The following RIMS2 variants were observed in gnomAD, a reference collection of about 807,000 sequenced individuals.
RIMS2 encodes the protein regulating synaptic membrane exocytosis 2, also known as regulating synaptic membrane exocytosis protein 2.
Under a neutral mutation model 174.4 loss-of-function variants are expected in RIMS2, and 59 were observed. The observed-to-expected ratio is 0.34, with a 90% CI of 0.27 to 0.42. The LOEUF (loss-of-function observed/expected upper bound fraction) is 0.42. Among genes scored for constraint, RIMS2 ranks in the 10% least tolerant of loss-of-function variants. The pLI, the probability that RIMS2 is intolerant of heterozygous loss-of-function variation, is 1.00. For synonymous variants in RIMS2, 606 were observed against 572.5 expected (o/e 1.06, Z -0.84); for missense variants, 1,620 against 1,666.3 (o/e 0.97, Z 0.48).
At chr8:103,587,550 T>C (rs1284708022) in intron 1 of RIMS2, among the ~76,000 whole-genome samples, 1 of 151,944 alleles carries the variant, frequency 6.6e-6, no homozygotes. Flanking sequence ...AGCAATACTT[T>C]AGAAGGATCA....
chr8:104,047,950 T>C (rs2096721986), intron 19 of RIMS2, among the ~76,000 whole-genome samples: 1 of 152,174 alleles, frequency 6.6e-6, no homozygotes, highest in African/African-American at 2.4e-5. Context: ...GGCTGGTTGC[T>C]TAACACTTCT....
chr8:104,027,152 A>C (rs2096273588), intron 19 of RIMS2, among the ~76,000 whole-genome samples: 4 of 152,218 alleles, frequency 2.6e-5, no homozygotes, highest in Admixed American at 2.6e-4. Context: ...GCATAGGACC[A>C]TTTAGGGCAA....
intron 14 of RIMS2, among the ~76,000 whole-genome samples, chr8:103,946,400 G>A (rs1312177652): frequency 1.3e-5 from 2 of 152,110 alleles, no homozygotes; most frequent in African/African-American, 2.4e-5. Context: ...GCTGAAGCAG[G>A]ATAATCGCTT....
chr8:104,046,477 G>A (rs1041355939), intron 19 of RIMS2, among the ~76,000 whole-genome samples: 5 of 152,038 alleles, frequency 3.3e-5, no homozygotes, highest in Non-Finnish European at 5.9e-5. Flanking sequence ...TATTTTGAAT[G>A]CTCTGTGCTT....
chr8:103,545,805 CGAT>C (rs1252606435), intron 1 of RIMS2, among the ~76,000 whole-genome samples: 3 of 53,070 alleles, frequency 5.7e-5, no homozygotes, highest in Non-Finnish European at 1.4e-4. Flanking sequence ...GAAATAAGAT[CGAT>C]CCTTTTTTAA....
chr8:103,837,203 C>G (rs1198131861), intron 3 of RIMS2, among the ~76,000 whole-genome samples: 1 of 152,168 alleles, frequency 6.6e-6, no homozygotes, highest in East Asian at 1.9e-4. Flanking sequence ...TAGGGTCTCA[C>G]AAGGTTGAAA....
At chr8:103,932,559 TG>T (rs1347366630) in intron 12 of RIMS2, among the ~76,000 whole-genome samples, 1 of 152,218 alleles carries the variant, frequency 6.6e-6, no homozygotes. Flanking sequence ...GAGATACATG[TG>T]GAACTATAAG....
At chr8:104,028,161 T>C (rs2096298216) in intron 19 of RIMS2, among the ~76,000 whole-genome samples, 1 of 150,398 alleles carries the variant, frequency 6.6e-6, no homozygotes, top group African/African-American at 2.5e-5. Flanking sequence ...AGAGAACCTA[T>C]GTTGTCCAGG....
At chr8:104,001,585 C>T (rs1185687393) in intron 17 of RIMS2, among the ~76,000 whole-genome samples, 7 of 151,774 alleles carry the variant, frequency 4.6e-5, no homozygotes. Context: ...AAATGCTATG[C>T]TGAGTTTGCA....
intron 3 of RIMS2, among the ~76,000 whole-genome samples, chr8:103,854,175 T>G (rs2099014256): frequency 6.6e-6 from 1 of 152,152 alleles, no homozygotes; most frequent in Non-Finnish European, 1.5e-5. Context: ...GATTTGGCAC[T>G]CAGCCTGGAC....
intron 1 of RIMS2, among the ~76,000 whole-genome samples, chr8:103,632,437 T>C (rs2095952165): frequency 6.6e-6 from 1 of 152,250 alleles, no homozygotes; most frequent in African/African-American, 2.4e-5. Flanking sequence ...GATTGCTTTT[T>C]TGAGGCGGAG....
intron 1 of RIMS2, among the ~76,000 whole-genome samples, chr8:103,679,274 T>A (rs1425323491): frequency 6.6e-6 from 1 of 152,006 alleles, no homozygotes; most frequent in Non-Finnish European, 1.5e-5. Flanking sequence ...TCTTAATTTC[T>A]TTATTTTGAA....
At chr8:103,545,146 C>A (rs1380404851) in intron 1 of RIMS2, among the ~76,000 whole-genome samples, 5 of 151,996 alleles carry the variant, frequency 3.3e-5, no homozygotes, top group African/African-American at 2.4e-5. Context: ...CTAGGAAATA[C>A]AATAAAACAA....
At chr8:104,118,026 C>T (rs546025350) in intron 19 of RIMS2, among the ~76,000 whole-genome samples, 2 of 152,190 alleles carry the variant, frequency 1.3e-5, no homozygotes, top group South Asian at 2.1e-4. Context: ...GGACAGAATA[C>T]GAACTTCTAT....
At chr8:103,581,117 C>A (rs530274798) in intron 1 of RIMS2, among the ~76,000 whole-genome samples, 1 of 151,948 alleles carries the variant, frequency 6.6e-6, no homozygotes, top group East Asian at 1.9e-4. Context: ...CACACCTGGC[C>A]GAGAAGGGAA....
chr8:103,520,920 T>C (rs924313173), intron 1 of RIMS2, among the ~76,000 whole-genome samples: 2 of 152,114 alleles, frequency 1.3e-5, no homozygotes, highest in Non-Finnish European at 2.9e-5. Context: ...AAAAATGTAA[T>C]AACAATAATA....
At chr8:103,801,966 G>A (rs761437615) in intron 3 of RIMS2, among the ~76,000 whole-genome samples, 4 of 152,114 alleles carry the variant, frequency 2.6e-5, no homozygotes, top group Non-Finnish European at 5.9e-5. Flanking sequence ...TTCTTTCAGC[G>A]TCATATATTC....
chr8:104,106,830 G>A (rs1405489828), intron 19 of RIMS2, among the ~76,000 whole-genome samples: 1 of 152,118 alleles, frequency 6.6e-6, no homozygotes, highest in Non-Finnish European at 1.5e-5. Flanking sequence ...CTCATGATAA[G>A]CAAATTTAAC....
chr8:103,819,732 G>C, intron 3 of RIMS2: 1 of 812,454 alleles, frequency 1.2e-6, no homozygotes, highest in South Asian at 1.9e-5. Context: ...TGTTATAAAG[G>C]TGTTATCTGT....
Sources: gnomAD v4.1 joint callset for allele counts (sites outside exome capture counted in the v4.1 genomes callset) on GRCh38, gnomAD v4.1.1 for gene constraint, MANE v1.5 for transcripts, NCBI Gene and HGNC (gene_info 2026-07-23, HGNC 2026-07-21) for gene names.